ARHGAP28: variants seen among roughly 807,000 people sequenced by gnomAD.
ARHGAP28 encodes the protein rho GTPase-activating protein 28.
In ARHGAP28, 56 loss-of-function variants were observed where a neutral mutation model predicts 90.7. That is an observed-to-expected ratio of 0.62 (90% CI 0.50 to 0.77). The LOEUF is 0.77. ARHGAP28 is among the 30% of genes least tolerant of loss of function. The pLI, the probability that ARHGAP28 is intolerant of heterozygous loss-of-function variation, is 0.00. For synonymous variants in ARHGAP28, 308 were observed against 323.3 expected (o/e 0.95, Z 0.51); for missense variants, 869 against 900.9 (o/e 0.96, Z 0.45).
At chr18:6,744,565 T>G (rs1185915774) in intron 1 of ARHGAP28, among the ~76,000 whole-genome samples, 1 of 152,226 alleles carries the variant, frequency 6.6e-6, no homozygotes, top group Non-Finnish European at 1.5e-5. Context: ...CTCATTGAAC[T>G]GTACTTATTT....
At chr18:6,828,178 G>A (rs181479441) in intron 2 of ARHGAP28, among the ~76,000 whole-genome samples, 2,889 of 152,268 alleles carry the variant, frequency 0.019, 101 homozygotes, top group African/African-American at 0.066. Context: ...GTGAAACCCC[G>A]TCTCCACCAA....
chr18:6,742,734 G>A (rs927003972), intron 1 of ARHGAP28, among the ~76,000 whole-genome samples: 1 of 152,182 alleles, frequency 6.6e-6, no homozygotes, highest in Non-Finnish European at 1.5e-5. Context: ...GCTTGGATGA[G>A]ATCTGGCAGG....
At chr18:6,793,925 G>A (rs1258356588) in intron 1 of ARHGAP28, among the ~76,000 whole-genome samples, 1 of 152,002 alleles carries the variant, frequency 6.6e-6, no homozygotes, top group Middle Eastern at 3.2e-3. Context: ...GGAGAGAGAG[G>A]TTATACTTTG....
chr18:6,798,917 G>T (rs543316471), intron 1 of ARHGAP28, among the ~76,000 whole-genome samples: 1 of 152,196 alleles, frequency 6.6e-6, no homozygotes, highest in Non-Finnish European at 1.5e-5. Context: ...CATCATGCTA[G>T]ACCCTGTGAC....
chr18:6,814,395 A>G (rs952523001), intron 1 of ARHGAP28, among the ~76,000 whole-genome samples: 13 of 152,164 alleles, frequency 8.5e-5, no homozygotes, highest in Non-Finnish European at 1.5e-4. Context: ...CTGTTCTGCT[A>G]TTATTGAATT....
intron 1 of ARHGAP28, among the ~76,000 whole-genome samples, chr18:6,741,524 A>G (rs2055977081): frequency 6.6e-6 from 1 of 152,176 alleles, no homozygotes; most frequent in Non-Finnish European, 1.5e-5. Flanking sequence ...AACATGAGTC[A>G]TTGCTTATAA....
At chr18:6,908,434 C>A (rs373725805) in intron 16 of ARHGAP28, among the ~76,000 whole-genome samples, 1 of 152,216 alleles carries the variant, frequency 6.6e-6, no homozygotes, top group African/African-American at 2.4e-5. Flanking sequence ...CCACCGTGTC[C>A]GGCCGTGACT....
rs1173116991 is a variant in ARHGAP28 at position 6,841,175 on chromosome 18, T to A, written c.543+3761T>A. On this transcript the variant is annotated intron_variant, in intron 3 of 17. Coordinates refer to ENST00000383472, the MANE Select transcript of ARHGAP28 (RefSeq NM_001366230.1). ...CTCCTCTTTCTCTCTCTCCTCTCTC[T>A]CTCTCCTCTCTCTCTCTCTCTCTCT... Among the ~76,000 whole-genome samples the A allele has an allele frequency of 7.2e-5, 6 of 83,440 alleles. No individual in the cohort carries two copies. The South Asian group carries it at 1.4e-3, about 20-fold the overall frequency. 54.7% of individuals were successfully genotyped at this position (83,440 alleles called of 152,430 possible).
intron 1 of ARHGAP28, among the ~76,000 whole-genome samples, chr18:6,776,502 G>C (rs1459963109): frequency 6.6e-6 from 1 of 152,218 alleles, no homozygotes; most frequent in Non-Finnish European, 1.5e-5. Flanking sequence ...GCTGCTGGCG[G>C]TAAGACTGCT....
chr18:6,831,200 C>A (rs1246844251), intron 2 of ARHGAP28, among the ~76,000 whole-genome samples: 1 of 152,094 alleles, frequency 6.6e-6, no homozygotes, highest in Non-Finnish European at 1.5e-5. Context: ...GAACTTTTTT[C>A]TTGTGCTTAT....
At chr18:6,874,301 T>G (rs1020551901) in intron 9 of ARHGAP28, among the ~76,000 whole-genome samples, 3 of 152,250 alleles carry the variant, frequency 2.0e-5, no homozygotes, top group Non-Finnish European at 4.4e-5. Flanking sequence ...CCAGTCATTT[T>G]CCGGTGTGTC....
chr18:6,832,170 T>C (rs900008026), intron 2 of ARHGAP28, among the ~76,000 whole-genome samples: 3 of 152,068 alleles, frequency 2.0e-5, no homozygotes, highest in African/African-American at 7.2e-5. Context: ...TATTCAGTTT[T>C]AAATGTTTTC....
intron 1 of ARHGAP28, among the ~76,000 whole-genome samples, chr18:6,806,927 T>C (rs1278267505): frequency 6.6e-6 from 1 of 152,204 alleles, no homozygotes; most frequent in Non-Finnish European, 1.5e-5. Flanking sequence ...TTATGCTATC[T>C]TTCAGATTGT....
At position 6,737,137 on chromosome 18, in the gene ARHGAP28, T is replaced by C. The variant is rs180897640; in HGVS notation, c.122+7194T>C. On this transcript the variant is annotated intron_variant, in intron 1 of 17. Coordinates refer to ENST00000383472, the MANE Select transcript of ARHGAP28 (RefSeq NM_001366230.1). Reference sequence around the variant, plus strand: ...CAAAGCAGAAGAGGTAAATGGAATGTTTTTCAGAAGAAAATTTTGGAAATA... The same window carrying C: ...CAAAGCAGAAGAGGTAAATGGAATGCTTTTCAGAAGAAAATTTTGGAAATA... 2.2e-3 allele frequency among the ~76,000 whole-genome samples: 338 copies of C among 152,296 alleles called. 3 individuals are homozygous for C. The Middle Eastern group carries it at 0.027, about 12-fold the overall frequency.
In ARHGAP28 at chr18:6,789,719, C is replaced by A. The variant is rs1483234400; in HGVS notation, c.123-35043C>A. 6 of 152,132 alleles carry A rather than the reference C, an allele frequency of 3.9e-5. No homozygotes were observed. In the East Asian group the frequency reaches 1.2e-3, roughly 29 times the overall value. 9.4% of individuals were successfully genotyped at this position (152,132 alleles called of 1,614,324 possible). ...ATTTTTAATTTAACACTATGAAAAGCATTTCTTTTTATAATAAAGACACTC... is the reference window on the plus strand; with the variant it reads ...ATTTTTAATTTAACACTATGAAAAGAATTTCTTTTTATAATAAAGACACTC... On this transcript the variant is annotated intron_variant, in intron 1 of 17. Transcript: ENST00000383472.
chr18:6,826,228 T>A (rs2143783216), intron 2 of ARHGAP28, among the ~76,000 whole-genome samples: 1 of 152,142 alleles, frequency 6.6e-6, no homozygotes, highest in East Asian at 1.9e-4. Context: ...TGATAATTAG[T>A]GATGATGAGC....
At chr18:6,773,042 A>G (rs1430242061) in intron 1 of ARHGAP28, among the ~76,000 whole-genome samples, 1 of 152,234 alleles carries the variant, frequency 6.6e-6, no homozygotes, top group Admixed American at 6.5e-5. Context: ...ACATAACTCC[A>G]TCATAAGTCA....
intron 1 of ARHGAP28, among the ~76,000 whole-genome samples, chr18:6,787,344 T>C (rs1600183895): frequency 1.3e-5 from 2 of 151,844 alleles, no homozygotes; most frequent in African/African-American, 2.4e-5. Context: ...TTAAGCTACA[T>C]TGTTATTATT....
At position 6,884,758 on chromosome 18, in the gene ARHGAP28, T is replaced by C. The variant is rs1021150187; in HGVS notation, c.1454-2399T>C. Among the ~76,000 whole-genome samples, 5 of 152,180 alleles carry C rather than the reference T, an allele frequency of 3.3e-5. No individual in the cohort carries two copies. In the South Asian group the frequency reaches 8.3e-4, roughly 25 times the overall value. The stretch of plus-strand genomic sequence containing the variant: ...TGAAGTTTATACCAGAATTAGGACC[T>C]TCCATCTCTGGATCACTCATTTGTT... On this transcript the variant is annotated intron_variant, in intron 11 of 17. Transcript: ENST00000383472.
Sources: allele counts gnomAD v4.1 joint callset (sites outside exome capture counted in the v4.1 genomes callset), GRCh38; gene constraint gnomAD v4.1.1; transcripts MANE v1.5; gene names NCBI Gene and HGNC (gene_info 2026-07-23, HGNC 2026-07-21).